RARB: variants seen among roughly 807,000 people sequenced by gnomAD.
The protein encoded by RARB is retinoic acid receptor beta.
In RARB, 17 loss-of-function variants were observed where a neutral mutation model predicts 51.9. That is an observed-to-expected ratio of 0.33 (90% CI 0.22 to 0.49). The LOEUF (loss-of-function observed/expected upper bound fraction) is 0.49, where lower values mean the gene tolerates loss of function less well. RARB is among the 20% of genes least tolerant of loss of function. The probability of loss-of-function intolerance (pLI) is 0.99; values close to 1 mark genes in which losing one functional copy is unlikely to be tolerated. For synonymous variants in RARB, 215 were observed against 195.4 expected, an observed-to-expected ratio of 1.10 and a Z score of -0.84; for missense variants, 369 against 550.8, an observed-to-expected ratio of 0.67 and a Z score of 3.30.
At chr3:25,107,715 T>C (rs113381191) in intron 3 of RARB, among the ~76,000 whole-genome samples, 1 of 152,138 alleles carries the variant, frequency 6.6e-6, no homozygotes, top group African/African-American at 2.4e-5. Context: ...AATAATAAAA[T>C]AGGAAAATGG....
intron 1 of RARB, among the ~76,000 whole-genome samples, chr3:25,432,354 G>A (rs1708243876): frequency 6.6e-6 from 1 of 152,280 alleles, no homozygotes; most frequent in Non-Finnish European, 1.5e-5. Context: ...ACAGTAGAAA[G>A]GTAGACATCT....
At chr3:25,448,332 A>T (rs1461060731) in intron 1 of RARB, among the ~76,000 whole-genome samples, 2 of 152,232 alleles carry the variant, frequency 1.3e-5, no homozygotes, top group Admixed American at 6.5e-5. Context: ...TTTTTAAAAA[A>T]GAAATAATGC....
chr3:25,515,720 A>G (rs1200861624), intron 3 of RARB, among the ~76,000 whole-genome samples: 2 of 152,224 alleles, frequency 1.3e-5, no homozygotes, highest in Non-Finnish European at 2.9e-5. Context: ...AAACTTGTCT[A>G]TATGATAATG....
At chr3:25,263,078 AC>A (rs1703045424) in intron 5 of RARB, among the ~76,000 whole-genome samples, 1 of 152,156 alleles carries the variant, frequency 6.6e-6, no homozygotes, top group Non-Finnish European at 1.5e-5. Flanking sequence ...AGGGGGATTA[AC>A]CTGTGCCCAG....
chr3:25,111,766 G>A (rs962343236), intron 3 of RARB, among the ~76,000 whole-genome samples: 48 of 151,656 alleles, frequency 3.2e-4, no homozygotes, highest in African/African-American at 1.2e-3. Flanking sequence ...TTTAGTAGAG[G>A]TGGGGTTTCA....
intron 5 of RARB, among the ~76,000 whole-genome samples, chr3:25,205,188 A>G (rs868716868): frequency 1.3e-5 from 2 of 152,118 alleles, no homozygotes; most frequent in South Asian, 2.1e-4. Context: ...TGTGCTAGCA[A>G]TGAGCGAGGC....
chr3:25,309,999 C>T (rs1038585792), intron 5 of RARB, among the ~76,000 whole-genome samples: 1 of 152,202 alleles, frequency 6.6e-6, no homozygotes, highest in African/African-American at 2.4e-5. Flanking sequence ...CTTGCCCCTT[C>T]CCCTGTTAGC....
rs73149129 is a variant in RARB at position 25,060,516 on chromosome 3, T to C, written c.-328+340T>C. ...AGCTTCTGTTACAGATACTCAACCTTGCTGTTGTGTTGCAAAAGCAGCTCA... is the reference window on the plus strand; with the variant it reads ...AGCTTCTGTTACAGATACTCAACCTCGCTGTTGTGTTGCAAAAGCAGCTCA... On this transcript the variant is annotated intron_variant, in intron 3 of 11. Transcript: ENST00000383772. Among the ~76,000 whole-genome samples, 1,517 of 152,002 alleles carry C rather than the reference T, an allele frequency of 1.0e-2. 34 individuals are homozygous for C. Among genetic ancestry groups the C allele is most frequent in the African/African-American group, 0.035 (1,442 of 41,514 alleles).
intron 5 of RARB, 133 bp from the exon 6 acceptor site, chr3:25,593,370 T>C (rs919056541): frequency 5.0e-6 from 4 of 803,788 alleles, no homozygotes; most frequent in Non-Finnish European, 5.9e-6. Context: ...AAAGAAGACA[T>C]TCAACATGTG....
intron 5 of RARB, among the ~76,000 whole-genome samples, chr3:25,219,592 C>G (rs1701902502): frequency 6.6e-6 from 1 of 152,130 alleles, no homozygotes; most frequent in Admixed American, 6.5e-5. Flanking sequence ...GCTGTTTGAT[C>G]ACACTTGCTG....
intron 3 of RARB, among the ~76,000 whole-genome samples, chr3:25,501,525 A>C (rs975207800): frequency 2.0e-5 from 3 of 152,214 alleles, no homozygotes; most frequent in African/African-American, 7.2e-5. Context: ...GGCAGGAGTT[A>C]GGCGTCGTGG....
chr3:25,418,944 CAAA>C (rs36025962), intron 5 of RARB, among the ~76,000 whole-genome samples: 1 of 108,604 alleles, frequency 9.2e-6, no homozygotes. Context: ...ACAGACTAAC[CAAA>C]AAAAAAAAAA....
chr3:25,472,645 A>C (rs191990608), intron 2 of RARB, among the ~76,000 whole-genome samples: 10 of 152,342 alleles, frequency 6.6e-5, no homozygotes, highest in Non-Finnish European at 1.5e-5. Context: ...TGATTCTGTT[A>C]CTGAAATGGT....
At chr3:25,329,158 C>G (rs763893966) in intron 5 of RARB, among the ~76,000 whole-genome samples, 1 of 152,208 alleles carries the variant, frequency 6.6e-6, no homozygotes, top group Non-Finnish European at 1.5e-5. Flanking sequence ...CCCTGTCTGA[C>G]AGCTTTGAAG....
chr3:25,334,384 A>T (rs1219986945), intron 5 of RARB, among the ~76,000 whole-genome samples: 3 of 152,220 alleles, frequency 2.0e-5, no homozygotes, highest in African/African-American at 7.2e-5. Flanking sequence ...TTTTAGGGAC[A>T]TGGATGAAGT....
intron 1 of RARB, among the ~76,000 whole-genome samples, chr3:25,429,526 G>A (rs1198614142): frequency 6.6e-6 from 1 of 152,184 alleles, no homozygotes; most frequent in Non-Finnish European, 1.5e-5. Flanking sequence ...GTTGGTCTAA[G>A]AAGTTGCTGT....
intron 2 of RARB, among the ~76,000 whole-genome samples, chr3:24,969,243 C>T (rs1036742081): frequency 2.6e-5 from 4 of 152,010 alleles, no homozygotes; most frequent in African/African-American, 9.7e-5. Context: ...AAAAAGAATA[C>T]AGCAAAAGTA....
At chr3:25,402,293 T>C (rs1319117663) in intron 5 of RARB, among the ~76,000 whole-genome samples, 1 of 152,160 alleles carries the variant, frequency 6.6e-6, no homozygotes, top group African/African-American at 2.4e-5. Flanking sequence ...AGTGAAGCCA[T>C]GTGCAATAGT....
intron 5 of RARB, among the ~76,000 whole-genome samples, chr3:25,352,937 A>G (rs1705620649): frequency 6.6e-6 from 1 of 152,208 alleles, no homozygotes; most frequent in African/African-American, 2.4e-5. Flanking sequence ...TCATCTGTGT[A>G]ACATAAATGA....
Sources: allele counts gnomAD v4.1 joint callset (sites outside exome capture counted in the v4.1 genomes callset), GRCh38; gene constraint gnomAD v4.1.1; transcripts MANE v1.5; gene names NCBI Gene and HGNC (gene_info 2026-07-23, HGNC 2026-07-21).